Variants in PCDHGB4 observed in about 807,000 individuals in gnomAD.
PCDHGB4 encodes protocadherin gamma subfamily B, 4, also known as protocadherin gamma-B4.
PCDHGB4 carries 38 observed loss-of-function variants against 60.5 expected under a neutral mutation model. The ratio of observed to expected loss-of-function variants is 0.63; its 90% CI spans 0.48 to 0.82. The LOEUF is 0.82. Ranked by LOEUF, PCDHGB4 falls within the 40% of genes least tolerant of loss-of-function variation. The pLI is 0.00. For synonymous variants in PCDHGB4, 456 were observed against 509.7 expected, an observed-to-expected ratio of 0.89 and a Z score of 1.42; for missense variants, 1,109 against 1,209.6, an observed-to-expected ratio of 0.92 and a Z score of 1.23.
At chr5:141,456,788 C>A (rs2098888156) in intron 1 of PCDHGB4, among the ~76,000 whole-genome samples, 1 of 152,088 alleles carries the variant, frequency 6.6e-6, no homozygotes, top group Admixed American at 6.5e-5. Flanking sequence ...CATGGCAAAA[C>A]CCCATCTCTA....
Position 141,511,345 on chromosome 5 carries a change from TC to T in PCDHGB4, c.*179del, listed in dbSNP as rs535135679. On this transcript the variant is annotated 3_prime_UTR_variant, in exon 4 of 4. Coordinates refer to ENST00000519479, the MANE Select transcript of PCDHGB4 (RefSeq NM_003736.4). ...AAGTGCCCAGTCAGCACCTACCCCTTCCCCCCCAGGGGGTTGAATATGCAAA... is the reference window on the plus strand; with the variant it reads ...AAGTGCCCAGTCAGCACCTACCCCTTCCCCCCAGGGGGTTGAATATGCAAA... The T allele has an allele frequency of 2.2e-5, 31 of 1,410,342 alleles. No individual in the cohort carries two copies. Among genetic ancestry groups the T allele is most frequent in the South Asian group, 2.9e-5 (2 of 68,200 alleles). 87.4% of individuals were successfully genotyped at this position (1,410,342 alleles called of 1,614,324 possible). A position where few individuals can be genotyped will look rare whatever the true frequency, so the allele number is the denominator to read the frequency against.
In PCDHGB4 at chr5:141,485,318, G is replaced by A. The variant is rs1318256454; in HGVS notation, c.2398-9489G>A. On this transcript the variant is annotated intron_variant, in intron 1 of 3. Transcript: ENST00000519479. The surrounding 1 kb of genome is among the most constrained non-coding windows in gnomAD (Gnocchi z 5.7). ...GGAAGGGACTTTTGTAGGGAATGTC[G>A]CTCAAGATTTCCTGCTGGATACGGA... 3 of 1,614,142 alleles carry A rather than the reference G, an allele frequency of 1.9e-6. No homozygotes were observed. The highest frequency in any genetic ancestry group is 2.5e-6 in the Non-Finnish European group (3 of 1,180,006).
At chr5:141,463,583 G>A (rs1444995569) in intron 1 of PCDHGB4, among the ~76,000 whole-genome samples, 1 of 151,598 alleles carries the variant, frequency 6.6e-6, no homozygotes, top group African/African-American at 2.4e-5. Flanking sequence ...CGAGTAGCTG[G>A]GACTACAGGT....
In PCDHGB4 at chr5:141,431,961, A is replaced by C; in HGVS notation, c.2397+41680A>C. Reference sequence around the variant, plus strand: ...AAATTAGAAAAATCTTACGGAAATTACTATAGTTTAGTCACAGACATAGTC... The same window carrying C: ...AAATTAGAAAAATCTTACGGAAATTCCTATAGTTTAGTCACAGACATAGTC... On this transcript the variant is annotated intron_variant, in intron 1 of 3. Transcript: ENST00000519479. The surrounding 1 kb of genome is among the most constrained non-coding windows in gnomAD (Gnocchi z 4.8). 1 of 1,614,206 alleles carries C rather than the reference A, an allele frequency of 6.2e-7. No homozygotes were observed.
intron 1 of PCDHGB4, among the ~76,000 whole-genome samples, chr5:141,471,995 TG>T: frequency 6.6e-6 from 1 of 152,322 alleles, no homozygotes; most frequent in East Asian, 1.9e-4. Context: ...TAAAAATCCC[TG>T]CATCGTATAG....
At chr5:141,450,355 C>T (rs943649682) in intron 1 of PCDHGB4, among the ~76,000 whole-genome samples, 2 of 152,090 alleles carry the variant, frequency 1.3e-5, no homozygotes, top group Non-Finnish European at 2.9e-5. Context: ...TGAAACAGTT[C>T]CTCAGCCTTG....
intron 1 of PCDHGB4, among the ~76,000 whole-genome samples, chr5:141,437,310 C>T (rs1226274834): frequency 6.6e-6 from 1 of 152,166 alleles, no homozygotes; most frequent in Non-Finnish European, 1.5e-5. Flanking sequence ...TTAAAGCGTT[C>T]AGCTATAATT....
chr5:141,395,547 TGTGTGTGTGTG>T (rs750624769), intron 1 of PCDHGB4: 54,616 of 173,956 alleles, frequency 0.31, 7,840 homozygotes, highest in East Asian at 0.41. Context: ...ATTGTTTGTG[TGTGTGTGTGTG>T]TGTGTGTGTG....
chr5:141,413,660 T>C (rs747874019), intron 1 of PCDHGB4: 5 of 1,613,752 alleles, frequency 3.1e-6, no homozygotes, highest in Non-Finnish European at 4.2e-6. Flanking sequence ...CCGGAAGCTA[T>C]TGATCCGGAT....
rs1361443182 is a variant in PCDHGB4, at chr5:141,389,749, G to C, written c.1865G>C (p.Gly622Ala). Residue 622 changes from glycine to alanine, a missense_variant, in exon 1 of 4, where the codon GGC (glycine) becomes GCC (alanine). This residue lies in a region of PCDHGB4 where 1,068 missense variants were observed against 1,089.9 expected (regional missense o/e 0.98). Coordinates refer to ENST00000519479, the MANE Select transcript of PCDHGB4 (RefSeq NM_003736.4). ...CTCTTCAGCCTGGGGCTGCGCACGGGCGAAGTGCGCACAGCGCGTGCCTTA... is the reference window on the plus strand; with the variant it reads ...CTCTTCAGCCTGGGGCTGCGCACGGCCGAAGTGCGCACAGCGCGTGCCTTA... ...PGLFSLGLRT[G>A]EVRTARALGD... The C allele has an allele frequency of 6.2e-7, 1 of 1,612,740 alleles. No homozygotes were observed. Among genetic ancestry groups the C allele is most frequent in the South Asian group, 1.1e-5 (1 of 91,032 alleles).
intron 1 of PCDHGB4, among the ~76,000 whole-genome samples, chr5:141,483,021 G>A (rs543104114): frequency 6.6e-6 from 1 of 152,126 alleles, no homozygotes; most frequent in East Asian, 1.9e-4. Context: ...GGAGGCAGAG[G>A]TTGCAATGAG....
At chr5:141,428,750 C>G (rs1282306626) in intron 1 of PCDHGB4, 1 of 154,730 alleles carries the variant, frequency 6.5e-6, no homozygotes, top group African/African-American at 2.4e-5. Flanking sequence ...ACTATTGCTT[C>G]AGGTTTGTTT....
At chr5:141,482,862 A>G (rs1169526338) in intron 1 of PCDHGB4, among the ~76,000 whole-genome samples, 1 of 152,180 alleles carries the variant, frequency 6.6e-6, no homozygotes, top group Non-Finnish European at 1.5e-5. Context: ...ACTTGAGGTC[A>G]GGAGTTTGAA....
intron 1 of PCDHGB4, 120 bp downstream of exon 1, chr5:141,390,401 A>G (rs1471626291): frequency 2.3e-6 from 3 of 1,328,496 alleles, no homozygotes; most frequent in Admixed American, 2.3e-5. Flanking sequence ...TCATTTTAGG[A>G]AAGTTGTAGT....
rs759356451 is a variant in PCDHGB4, at chr5:141,476,397, G to C, written c.2398-18410G>C. On this transcript the variant is annotated intron_variant, in intron 1 of 3. Transcript: ENST00000519479. The surrounding 1 kb of genome is among the most constrained non-coding windows in gnomAD (Gnocchi z 7.6). ...ATGTTTGTGAACGACCGTCTGGATC[G>C]AGAGGAGCTGTGTGGGACACTGCCC... The C allele has an allele frequency of 6.2e-7, 1 of 1,614,142 alleles. No individual in the cohort carries two copies. The highest frequency in any genetic ancestry group is 8.5e-7 in the Non-Finnish European group (1 of 1,180,036).
chr5:141,469,697 T>G (rs2154570403), intron 1 of PCDHGB4, among the ~76,000 whole-genome samples: 1 of 152,392 alleles, frequency 6.6e-6, no homozygotes, highest in African/African-American at 2.4e-5. Context: ...TCCTATGACC[T>G]AGTAATCACA....
At position 141,487,547 on chromosome 5, in the gene PCDHGB4, A is replaced by G. The variant is rs2099649592; in HGVS notation, c.2398-7260A>G. On this transcript the variant is annotated intron_variant, in intron 1 of 3. Coordinates refer to ENST00000519479, the MANE Select transcript of PCDHGB4 (RefSeq NM_003736.4). The surrounding 1 kb of genome is among the most constrained non-coding windows in gnomAD (Gnocchi z 5.0). ...TAGCTTCATGATGGTGAAGTCACCC[A>G]GTGCACCTATGGCAGGGGAGCCTGT... 2 of 1,614,216 alleles carry G rather than the reference A, an allele frequency of 1.2e-6. No individual in the cohort carries two copies. Among genetic ancestry groups the G allele is most frequent in the Non-Finnish European group, 8.5e-7 (1 of 1,180,046 alleles).
intron 1 of PCDHGB4, among the ~76,000 whole-genome samples, chr5:141,450,649 G>A (rs2098689040): frequency 6.6e-6 from 1 of 151,674 alleles, no homozygotes; most frequent in African/African-American, 2.4e-5. Flanking sequence ...ACCATGCCTG[G>A]CTAATTTTTG....
intron 1 of PCDHGB4, among the ~76,000 whole-genome samples, chr5:141,439,024 T>C (rs1278127532): frequency 2.0e-5 from 3 of 151,510 alleles, no homozygotes; most frequent in African/African-American, 7.3e-5. Flanking sequence ...ATTTTGAAAA[T>C]AGATGCCTCA....
Sources: allele counts gnomAD v4.1 joint callset (sites outside exome capture counted in the v4.1 genomes callset), GRCh38; gene constraint gnomAD v4.1.1; regional missense constraint gnomAD v4.1.1; non-coding constraint Gnocchi (gnomAD v3.1); transcripts MANE v1.5; gene names NCBI Gene and HGNC (gene_info 2026-07-23, HGNC 2026-07-21).